The following SCAPER variants were observed in gnomAD, a reference collection of about 807,000 sequenced individuals.
SCAPER encodes S-phase cyclin A associated protein in the ER.
Under a neutral mutation model 182.2 loss-of-function variants are expected in SCAPER, and 98 were observed. That is an observed-to-expected ratio of 0.54 (90% CI 0.46 to 0.64). SCAPER has a LOEUF of 0.64. Among genes scored for constraint, SCAPER ranks in the 30% least tolerant of loss-of-function variants. The probability of loss-of-function intolerance (pLI) is 0.00; values close to 1 mark genes in which losing one functional copy is unlikely to be tolerated. For missense variants in SCAPER, 1,432 were observed against 1,690.0 expected (o/e 0.85, Z 2.68); for synonymous variants, 605 against 564.6 (o/e 1.07, Z -1.01).
At chr15:76,671,666 A>G (rs2057021597) in intron 20 of SCAPER, among the ~76,000 whole-genome samples, 1 of 151,894 alleles carries the variant, frequency 6.6e-6, no homozygotes, top group Admixed American at 6.6e-5. Flanking sequence ...GCTACTCTGG[A>G]GGCTGAGGCA....
intron 22 of SCAPER, among the ~76,000 whole-genome samples, chr15:76,575,445 T>C (rs889845739): frequency 1.3e-5 from 2 of 152,232 alleles, no homozygotes; most frequent in African/African-American, 2.4e-5. Flanking sequence ...ACAGAAGTTA[T>C]TGGAACAAGA....
chr15:76,577,819 G>C (rs1597473613), intron 22 of SCAPER, among the ~76,000 whole-genome samples: 1 of 151,970 alleles, frequency 6.6e-6, no homozygotes, highest in Non-Finnish European at 1.5e-5. Flanking sequence ...CTTGAGAAAA[G>C]GGGAGGGAAG....
intron 26 of SCAPER, among the ~76,000 whole-genome samples, chr15:76,432,878 C>T (rs557922615): frequency 1.3e-5 from 2 of 152,224 alleles, no homozygotes; most frequent in Admixed American, 6.5e-5. Context: ...AAGTACTTAA[C>T]TTCTCTGAGC....
At chr15:76,831,217 C>T (rs1031715120) in intron 5 of SCAPER, among the ~76,000 whole-genome samples, 1 of 152,110 alleles carries the variant, frequency 6.6e-6, no homozygotes, top group African/African-American at 2.4e-5. Context: ...AGCTGCCAGA[C>T]CAGGAGAGGG....
At chr15:76,404,268 A>G (rs916637055) in intron 27 of SCAPER, among the ~76,000 whole-genome samples, 2 of 152,028 alleles carry the variant, frequency 1.3e-5, no homozygotes, top group African/African-American at 4.8e-5. Context: ...GGACTGGATG[A>G]CCTCTTAGGT....
At chr15:76,486,097 C>A (rs1316405677) in intron 24 of SCAPER, among the ~76,000 whole-genome samples, 1 of 152,120 alleles carries the variant, frequency 6.6e-6, no homozygotes, top group African/African-American at 2.4e-5. Flanking sequence ...GTTCCAGCTA[C>A]TTGTGAGGCT....
chr15:76,840,955 C>T (rs950549018), intron 5 of SCAPER, among the ~76,000 whole-genome samples: 3 of 152,142 alleles, frequency 2.0e-5, no homozygotes, highest in Admixed American at 6.5e-5. Flanking sequence ...CTCACTTTTC[C>T]CTGACCAAAG....
At chr15:76,404,174 G>A (rs1287439760) in intron 27 of SCAPER, among the ~76,000 whole-genome samples, 1 of 151,648 alleles carries the variant, frequency 6.6e-6, no homozygotes, top group Admixed American at 6.5e-5. Context: ...TAGGGCTGAC[G>A]GCTTGGCTTG....
At chr15:76,646,677 A>C (rs2054574290) in intron 21 of SCAPER, among the ~76,000 whole-genome samples, 1 of 152,230 alleles carries the variant, frequency 6.6e-6, no homozygotes, top group African/African-American at 2.4e-5. Context: ...GTTCTGACTC[A>C]CAGCGACTCC....
intron 26 of SCAPER, among the ~76,000 whole-genome samples, chr15:76,419,362 A>G (rs1010129476): frequency 6.6e-6 from 1 of 151,634 alleles, no homozygotes; most frequent in East Asian, 1.9e-4. Context: ...AAAAGAAAAA[A>G]AAGTCCAGGA....
chr15:76,531,756 G>C (rs918751448), intron 23 of SCAPER, among the ~76,000 whole-genome samples: 2 of 151,986 alleles, frequency 1.3e-5, no homozygotes, highest in Non-Finnish European at 2.9e-5. Context: ...AGTGTCTTCC[G>C]ACTCTGAGTA....
intron 22 of SCAPER, among the ~76,000 whole-genome samples, chr15:76,588,638 T>G (rs1353676916): frequency 6.6e-6 from 1 of 152,224 alleles, no homozygotes; most frequent in Non-Finnish European, 1.5e-5. Flanking sequence ...TTTGTTGTGC[T>G]GTTGGTTGCC....
At chr15:76,424,928 G>T (rs1481066804) in intron 26 of SCAPER, among the ~76,000 whole-genome samples, 1 of 152,112 alleles carries the variant, frequency 6.6e-6, no homozygotes, top group Non-Finnish European at 1.5e-5. Flanking sequence ...TTTTCTTTAA[G>T]AATGTTGAAT....
chr15:76,436,651 T>C (rs1792384270), intron 25 of SCAPER, among the ~76,000 whole-genome samples: 1 of 152,148 alleles, frequency 6.6e-6, no homozygotes, highest in South Asian at 2.1e-4. Flanking sequence ...ACATGGTCTC[T>C]GTTTTGTTTG....
chr15:76,534,430 T>G (rs902178220), intron 23 of SCAPER, among the ~76,000 whole-genome samples: 2 of 152,162 alleles, frequency 1.3e-5, no homozygotes. Flanking sequence ...ACAATTTAGT[T>G]GAGGCAAGAG....
At chr15:76,425,152 A>C (rs2046333619) in intron 26 of SCAPER, among the ~76,000 whole-genome samples, 2 of 152,008 alleles carry the variant, frequency 1.3e-5, no homozygotes, top group South Asian at 4.2e-4. Context: ...CTTGAATTTG[A>C]ATGTTGGCCT....
chr15:76,416,546 A>T (rs1407481181), intron 26 of SCAPER, among the ~76,000 whole-genome samples: 1 of 152,080 alleles, frequency 6.6e-6, no homozygotes, highest in Non-Finnish European at 1.5e-5. Flanking sequence ...GTTTAAAAAG[A>T]ATGATGATAC....
intron 4 of SCAPER, chr15:76,855,900 C>A (rs1402407414): frequency 2.4e-6 from 1 of 422,526 alleles, no homozygotes; most frequent in South Asian, 1.7e-5. Context: ...TACCATTCAA[C>A]CCAGCAATCC....
intron 22 of SCAPER, among the ~76,000 whole-genome samples, chr15:76,575,951 T>C (rs1457310484): frequency 2.6e-5 from 4 of 152,252 alleles, no homozygotes; most frequent in African/African-American, 9.6e-5. Context: ...GAGGTGCTCG[T>C]CTATCTGCTC....
Sources: allele counts gnomAD v4.1 joint callset (sites outside exome capture counted in the v4.1 genomes callset), GRCh38; gene constraint gnomAD v4.1.1; transcripts MANE v1.5; gene names NCBI Gene and HGNC (gene_info 2026-07-23, HGNC 2026-07-21).